PTCH1: variants seen among roughly 807,000 people sequenced by gnomAD.
PTCH1 encodes the protein protein patched homolog 1.
In PTCH1, 14 loss-of-function variants were observed where a neutral mutation model predicts 144.6. The observed-to-expected ratio is 0.10, with a 90% CI of 0.06 to 0.15. The LOEUF (loss-of-function observed/expected upper bound fraction) is 0.15. Ranked by LOEUF, PTCH1 falls within the 10% of genes least tolerant of loss-of-function variation. The pLI is 1.00. For synonymous variants in PTCH1, 833 were observed against 793.6 expected (o/e 1.05, Z -0.83); for missense variants, 1,623 against 1,948.3 (o/e 0.83, Z 3.14).
At chr9:95,515,101 T>G (rs1412237069) in intron 1 of PTCH1, among the ~76,000 whole-genome samples, 1 of 152,102 alleles carries the variant, frequency 6.6e-6, no homozygotes, top group African/African-American at 2.4e-5. Flanking sequence ...ACCCAGAAAT[T>G]TTAAGTTGCA....
rs1837653826 is a variant in PTCH1, at chr9:95,443,731, G to C, written c.*2662C>G. 6.6e-6 allele frequency: 1 copy of C among 152,568 alleles called. No individual in the cohort carries two copies. The highest frequency in any genetic ancestry group is 1.5e-5 in the Non-Finnish European group (1 of 68,026). 9.5% of individuals were successfully genotyped at this position (152,568 alleles called of 1,614,324 possible). On this transcript the variant is annotated 3_prime_UTR_variant, in exon 24 of 24. Transcript: ENST00000331920. ...AAAATATACTTCTGTCAAAAGACTT[G>C]ATGACTACTATGTACACTACAAAAA...
chr9:95,507,782 C>G, intron 1 of PTCH1: 1 of 313,092 alleles, frequency 3.2e-6, no homozygotes, highest in South Asian at 7.6e-5. Flanking sequence ...GGCAGGGGCG[C>G]AGGAGGAAGA....
intron 19 of PTCH1, among the ~76,000 whole-genome samples, chr9:95,455,336 G>C (rs998783735): frequency 6.6e-6 from 1 of 152,220 alleles, no homozygotes; most frequent in Non-Finnish European, 1.5e-5. Context: ...GAGCCCAAAG[G>C]AAACCTGTGC....
At chr9:95,500,187 G>A (rs944793090) in intron 2 of PTCH1, among the ~76,000 whole-genome samples, 32 of 152,156 alleles carry the variant, frequency 2.1e-4, no homozygotes, top group African/African-American at 6.0e-4. Flanking sequence ...ACCTCTGAGC[G>A]GCATCCTATG....
rs1837651471 is a variant in PTCH1, at chr9:95,443,697, A to C, written c.*2696T>G. 6.6e-6 allele frequency: 1 copy of C among 152,618 alleles called. No homozygotes were observed. Among genetic ancestry groups the C allele is most frequent in the Admixed American group, 6.5e-5 (1 of 15,284 alleles). The allele number at this position is 152,618 out of a possible 1,614,324, so 9.5% of individuals were successfully genotyped here. On this transcript the variant is annotated 3_prime_UTR_variant, in exon 24 of 24. Transcript: ENST00000331920. Reference sequence around the variant, plus strand: ...AGACATTATGGATTCATCACATATAAATTCTTTAAAAATATACTTCTGTCA... The same window carrying C: ...AGACATTATGGATTCATCACATATACATTCTTTAAAAATATACTTCTGTCA...
intron 12 of PTCH1, chr9:95,474,167 A>G: frequency 2.4e-6 from 1 of 419,790 alleles, no homozygotes; most frequent in Non-Finnish European, 4.8e-6. Context: ...GGAGAGAATG[A>G]GAGAGAAAAG....
chr9:95,463,111 T>C (rs978510970), intron 15 of PTCH1, among the ~76,000 whole-genome samples: 2 of 151,660 alleles, frequency 1.3e-5, no homozygotes, highest in Non-Finnish European at 2.9e-5. Context: ...ACACGGCTAG[T>C]AAGAAGGGAG....
intron 12 of PTCH1, among the ~76,000 whole-genome samples, chr9:95,472,343 C>T (rs1436418637): frequency 6.7e-6 from 1 of 150,248 alleles, no homozygotes; most frequent in African/African-American, 2.5e-5. Flanking sequence ...TGATGCCAAG[C>T]CCCTAGCTCA....
At chr9:95,454,442 G>C (rs527559561) in intron 19 of PTCH1, among the ~76,000 whole-genome samples, 1 of 152,180 alleles carries the variant, frequency 6.6e-6, no homozygotes, top group Non-Finnish European at 1.5e-5. Context: ...GGACTGAGAC[G>C]GTCGTTCTCC....
chr9:95,478,330 G>T, intron 8 of PTCH1, 144 bp from the exon 9 acceptor site: 1 of 1,291,712 alleles, frequency 7.7e-7, no homozygotes, highest in East Asian at 2.4e-5. Context: ...TCCAGGGCAG[G>T]GAGAGAAGCT....
intron 2 of PTCH1, among the ~76,000 whole-genome samples, chr9:95,497,575 C>T (rs772205612): frequency 5.3e-5 from 8 of 152,190 alleles, no homozygotes; most frequent in Non-Finnish European, 1.0e-4. Context: ...CTCTCCGCCT[C>T]GCTTCCACTC....
In PTCH1 at chr9:95,494,154, C is replaced by A. The variant is rs1842637181; in HGVS notation, c.395-8280G>T. The A allele has an allele frequency of 3.1e-6, 3 of 967,700 alleles. No homozygotes were observed. The African/African-American group carries it at 5.3e-5, about 17-fold the overall frequency. The allele number at this position is 967,700 out of a possible 1,614,324, so 59.9% of individuals were successfully genotyped here. On this transcript the variant is annotated intron_variant, in intron 2 of 23. Transcript: ENST00000331920. ...GGCGCTCGCGCGGGGTTCTGCAACG[C>A]GCATGCGCCGGAAGCAAGCTTCCCC...
At chr9:95,466,552 C>T (rs1840018151) in intron 15 of PTCH1, among the ~76,000 whole-genome samples, 1 of 152,056 alleles carries the variant, frequency 6.6e-6, no homozygotes, top group South Asian at 2.1e-4. Context: ...GTCGAGGGGG[C>T]TGTGTGTGGG....
chr9:95,457,656 G>C (rs1043035614), intron 18 of PTCH1, among the ~76,000 whole-genome samples: 28 of 152,110 alleles, frequency 1.8e-4, no homozygotes, highest in African/African-American at 6.5e-4. Context: ...CTGCTATGTC[G>C]TTATTAGGCC....
At position 95,449,444 on chromosome 9, in the gene PTCH1, G is replaced by C; in HGVS notation, c.3550-121C>G. The C allele has an allele frequency of 7.1e-7, 1 of 1,400,528 alleles. No individual in the cohort carries two copies. The highest frequency in any genetic ancestry group is 9.8e-7 in the Non-Finnish European group (1 of 1,024,962). The allele number at this position is 1,400,528 out of a possible 1,614,324, so 86.8% of individuals were successfully genotyped here. On this transcript the variant is annotated intron_variant, in intron 21 of 23. Transcript: ENST00000331920. The surrounding 1 kb of genome is among the most constrained non-coding windows in gnomAD (Gnocchi z 5.3). ...TCCCTGCCCTGGGGCCCTGCGCACT[G>C]TGCCGTATTAACCTCCCCTTCTCTA...
At chr9:95,462,909 T>C (rs184436676) in intron 15 of PTCH1, among the ~76,000 whole-genome samples, 1 of 152,144 alleles carries the variant, frequency 6.6e-6, no homozygotes, top group African/African-American at 2.4e-5. Context: ...GAGATAAGCA[T>C]GTTGGAAGAG....
intron 2 of PTCH1, among the ~76,000 whole-genome samples, chr9:95,491,093 C>T (rs897004361): frequency 1.2e-4 from 19 of 152,058 alleles, no homozygotes; most frequent in African/African-American, 4.6e-4. Context: ...AAATAACAAC[C>T]CCTCTGAACA....
chr9:95,493,123 T>A (rs1327138942), intron 2 of PTCH1, among the ~76,000 whole-genome samples: 1 of 152,180 alleles, frequency 6.6e-6, no homozygotes, highest in East Asian at 1.9e-4. Flanking sequence ...CTAGCTCAGG[T>A]GGGATGCCAG....
chr9:95,503,571 G>GAATA (rs1057142413), intron 2 of PTCH1, among the ~76,000 whole-genome samples: 2 of 152,202 alleles, frequency 1.3e-5, no homozygotes, highest in African/African-American at 4.8e-5. Context: ...ATGAATGAAT[G>GAATA]AATGAGAGAT....
Sources: allele counts gnomAD v4.1 joint callset (sites outside exome capture counted in the v4.1 genomes callset), GRCh38; gene constraint gnomAD v4.1.1; non-coding constraint Gnocchi (gnomAD v3.1); transcripts MANE v1.5; gene names NCBI Gene and HGNC (gene_info 2026-07-23, HGNC 2026-07-21).